EXOC6B: variants seen among roughly 807,000 people sequenced by gnomAD.
EXOC6B encodes SEC15 homolog B.
EXOC6B carries 54 observed loss-of-function variants against 113.5 expected under a neutral mutation model. The ratio of observed to expected loss-of-function variants is 0.48; its 90% CI spans 0.38 to 0.60. The LOEUF (loss-of-function observed/expected upper bound fraction) is 0.60, where lower values mean the gene tolerates loss of function less well. Ranked by LOEUF, EXOC6B falls within the 20% of genes least tolerant of loss-of-function variation. EXOC6B has a pLI of 0.00. For synonymous variants in EXOC6B, 357 were observed against 339.0 expected (o/e 1.05, Z -0.58); for missense variants, 797 against 977.5 (o/e 0.82, Z 2.46).
chr2:72,719,381 C>T (rs888105799), intron 5 of EXOC6B, among the ~76,000 whole-genome samples: 5 of 152,072 alleles, frequency 3.3e-5, no homozygotes, highest in East Asian at 3.8e-4. Flanking sequence ...AGAAATTTAA[C>T]GGGGAAGTCA....
chr2:72,593,929 G>C (rs951204136), intron 6 of EXOC6B, among the ~76,000 whole-genome samples: 3 of 152,100 alleles, frequency 2.0e-5, no homozygotes, highest in Non-Finnish European at 4.4e-5. Context: ...GTAAAACACA[G>C]GGACTGTTCG....
At chr2:72,795,184 C>A (rs1381738388) in intron 1 of EXOC6B, among the ~76,000 whole-genome samples, 1 of 152,048 alleles carries the variant, frequency 6.6e-6, no homozygotes. Context: ...AGAGGTTAGG[C>A]CAGGGCTAGA....
Position 72,741,423 on chromosome 2 carries a change from C to T in EXOC6B, c.160G>A (p.Glu54Lys), listed in dbSNP as rs766994957. 9 of 1,613,416 alleles carry T rather than the reference C, an allele frequency of 5.6e-6. No individual in the cohort carries two copies. The highest frequency in any genetic ancestry group is 5.9e-6 in the Non-Finnish European group (7 of 1,179,778). ...CGGTCGTGATTACGGATACGAGTTT[C>T]AAGCTTCTCCATGAAACGTCCATGT... ...EEHGRFMEKL[E>K]TRIRNHDREI... Residue 54 changes from glutamate (E) to lysine (K), a missense_variant, in exon 2 of 22, where the codon GAA becomes AAA. By Grantham distance (56) the Glu-to-Lys change is moderately conservative. Coordinates refer to ENST00000272427, the MANE Select transcript of EXOC6B (RefSeq NM_015189.3).
At chr2:72,327,355 CCT>C (rs1688183568) in intron 20 of EXOC6B, among the ~76,000 whole-genome samples, 1 of 152,010 alleles carries the variant, frequency 6.6e-6, no homozygotes, top group African/African-American at 2.4e-5. Context: ...AAGGAGTCTA[CCT>C]CTCATAAGAC....
intron 11 of EXOC6B, among the ~76,000 whole-genome samples, chr2:72,504,638 A>G (rs927231502): frequency 4.6e-5 from 7 of 152,214 alleles, no homozygotes; most frequent in African/African-American, 1.7e-4. Context: ...ATTATGGCAA[A>G]TTACTGAAGA....
chr2:72,376,368 T>C (rs1691356760), intron 19 of EXOC6B, among the ~76,000 whole-genome samples: 1 of 152,206 alleles, frequency 6.6e-6, no homozygotes. Flanking sequence ...TGTTTTTCTT[T>C]CAGGACTTTA....
chr2:72,298,373 G>A (rs894038554), intron 20 of EXOC6B, among the ~76,000 whole-genome samples: 4 of 151,918 alleles, frequency 2.6e-5, no homozygotes, highest in Non-Finnish European at 4.4e-5. Flanking sequence ...TTGAGCTTAG[G>A]TGTGTCTTTG....
chr2:72,811,956 A>G (rs1175832397), intron 1 of EXOC6B, among the ~76,000 whole-genome samples: 3 of 152,238 alleles, frequency 2.0e-5, no homozygotes, highest in Non-Finnish European at 4.4e-5. Context: ...TAATGAGAAA[A>G]GACTGAATGC....
chr2:72,764,467 G>C (rs1682945439), intron 1 of EXOC6B, among the ~76,000 whole-genome samples: 1 of 146,796 alleles, frequency 6.8e-6, no homozygotes, highest in Non-Finnish European at 1.5e-5. Flanking sequence ...GACCTCCCAG[G>C]CTCAAGCAAT....
At chr2:72,275,949 A>T (rs958484299) in intron 20 of EXOC6B, among the ~76,000 whole-genome samples, 1 of 152,190 alleles carries the variant, frequency 6.6e-6, no homozygotes, top group African/African-American at 2.4e-5. Context: ...TCATATTTGT[A>T]ACAGGTTGCC....
intron 18 of EXOC6B, among the ~76,000 whole-genome samples, chr2:72,446,641 G>A (rs947936340): frequency 1.3e-5 from 2 of 152,044 alleles, no homozygotes; most frequent in African/African-American, 2.4e-5. Context: ...GTGGGAAGAA[G>A]GAGCAGAGCA....
chr2:72,563,698 TTC>T (rs1704010217), intron 7 of EXOC6B, among the ~76,000 whole-genome samples: 1 of 152,078 alleles, frequency 6.6e-6, no homozygotes, highest in African/African-American at 2.4e-5. Context: ...ACATCAACAT[TTC>T]TGATTACAAA....
intron 17 of EXOC6B, among the ~76,000 whole-genome samples, chr2:72,465,633 C>T (rs1024980567): frequency 9.2e-5 from 14 of 152,244 alleles, no homozygotes; most frequent in East Asian, 1.9e-4. Context: ...ATATTAAAGG[C>T]TCTAAGAAGT....
intron 1 of EXOC6B, among the ~76,000 whole-genome samples, chr2:72,801,631 G>T (rs1040680296): frequency 6.6e-6 from 1 of 152,100 alleles, no homozygotes; most frequent in Non-Finnish European, 1.5e-5. Context: ...TGAAAATAAA[G>T]AAATGACTGG....
At chr2:72,558,622 A>C (rs1703708514) in intron 8 of EXOC6B, among the ~76,000 whole-genome samples, 1 of 152,126 alleles carries the variant, frequency 6.6e-6, no homozygotes, top group African/African-American at 2.4e-5. Context: ...ACACAAAATT[A>C]GCTGAGCGTG....
chr2:72,267,033 T>A (rs1192017627), intron 20 of EXOC6B, among the ~76,000 whole-genome samples: 1 of 152,192 alleles, frequency 6.6e-6, no homozygotes, highest in Non-Finnish European at 1.5e-5. Context: ...GATTGGGAGT[T>A]CACTCATGAT....
Position 72,713,878 on chromosome 2 carries a change from C to T in EXOC6B, c.669+4225G>A, listed in dbSNP as rs1453583679. 7.2e-5 allele frequency among the ~76,000 whole-genome samples: 11 copies of T among 152,238 alleles called. No individual in the cohort carries two copies. In the East Asian group the frequency reaches 2.1e-3, roughly 29 times the overall value. On this transcript the variant is annotated intron_variant, in intron 6 of 21. Coordinates refer to ENST00000272427, the MANE Select transcript of EXOC6B (RefSeq NM_015189.3). ...AGACTAGCTTAGCTATTCATCAAAC[C>T]TATTTCTTCTTCCTCCTGATCACAT...
chr2:72,754,884 G>T (rs971013556), intron 1 of EXOC6B, among the ~76,000 whole-genome samples: 8 of 151,876 alleles, frequency 5.3e-5, no homozygotes, highest in Admixed American at 2.6e-4. Flanking sequence ...CCCCCAAACT[G>T]GTGAGATTAC....
intron 11 of EXOC6B, among the ~76,000 whole-genome samples, chr2:72,510,845 C>T (rs1280174619): frequency 6.6e-6 from 1 of 151,120 alleles, no homozygotes; most frequent in Non-Finnish European, 1.5e-5. Context: ...ACTACCACTA[C>T]AAAAAAAATG....
Sources: gnomAD v4.1 joint callset for allele counts (sites outside exome capture counted in the v4.1 genomes callset) on GRCh38, gnomAD v4.1.1 for gene constraint, MANE v1.5 for transcripts, NCBI Gene and HGNC (gene_info 2026-07-23, HGNC 2026-07-21) for gene names.